The following GLI3 variants were observed in gnomAD, a reference collection of about 807,000 sequenced individuals.
GLI3 encodes the protein transcription activator GLI3.
In GLI3, 20 loss-of-function variants were observed where a neutral mutation model predicts 100.8. The observed-to-expected ratio is 0.20, with a 90% CI of 0.14 to 0.29. The LOEUF (loss-of-function observed/expected upper bound fraction) is 0.29. Among genes scored for constraint, GLI3 ranks in the 10% least tolerant of loss-of-function variants. The pLI, the probability that GLI3 is intolerant of heterozygous loss-of-function variation, is 1.00. For synonymous variants in GLI3, 938 were observed against 860.5 expected, an observed-to-expected ratio of 1.09 and a Z score of -1.58; for missense variants, 2,040 against 2,128.5, an observed-to-expected ratio of 0.96 and a Z score of 0.82.
intron 5 of GLI3, among the ~76,000 whole-genome samples, chr7:42,048,246 G>A (rs1005574133): frequency 6.6e-6 from 1 of 152,116 alleles, no homozygotes; most frequent in African/African-American, 2.4e-5. Flanking sequence ...CTAGCCATGG[G>A]ATTGACTGCG....
rs3823720 is a variant in GLI3 at position 41,961,573 on chromosome 7, G to A, written c.*2757C>T. Reference sequence around the variant, plus strand: ...AATAAAACAAAAATGGTTAGAAAACGTTTAACACAGACATTAAGCAGGAGT... The same window carrying A: ...AATAAAACAAAAATGGTTAGAAAACATTTAACACAGACATTAAGCAGGAGT... On this transcript the variant is annotated 3_prime_UTR_variant, in exon 15 of 15. Transcript: ENST00000395925. The A allele has an allele frequency of 0.26, 40,053 of 152,344 alleles. 6,292 individuals carry two copies. Among genetic ancestry groups the A allele is most frequent in the East Asian group, 0.4 (2,058 of 5,180 alleles). 9.4% of individuals were successfully genotyped at this position (152,344 alleles called of 1,614,324 possible). A position where few individuals can be genotyped will look rare whatever the true frequency, so the allele number is the denominator to read the frequency against.
At position 41,972,559 on chromosome 7, in the gene GLI3, A is replaced by G. The variant is rs150741723; in HGVS notation, c.1881T>C (p.His627=). The G allele has an allele frequency of 6.2e-6, 10 of 1,611,150 alleles. No individual in the cohort carries two copies. Among genetic ancestry groups the G allele is most frequent in the African/African-American group, 1.3e-5 (1 of 74,690 alleles). The change falls in exon 13 of 15, where the codon CAT becomes CAC. Residue 627 remains histidine (H), a synonymous_variant. Transcript: ENST00000395925. The surrounding 1 kb of genome is among the most constrained non-coding windows in gnomAD (Gnocchi z 4.4). ...RYTDPSSLRK[H]VKTVHGPEAH... ...CCTCTGGGCCATGCACTGTCTTCACATGTTTCCGGAGGGAGCTTGGGTCTG... is the reference window on the plus strand; with the variant it reads ...CCTCTGGGCCATGCACTGTCTTCACGTGTTTCCGGAGGGAGCTTGGGTCTG...
At chr7:42,226,525 A>G (rs1459126905) in intron 1 of GLI3, among the ~76,000 whole-genome samples, 1 of 152,212 alleles carries the variant, frequency 6.6e-6, no homozygotes, top group Non-Finnish European at 1.5e-5. Flanking sequence ...AATGGTCTTA[A>G]AGAATACTAA....
chr7:41,973,335 T>A (rs1045623575), intron 12 of GLI3, among the ~76,000 whole-genome samples: 1 of 152,230 alleles, frequency 6.6e-6, no homozygotes, highest in East Asian at 1.9e-4. Flanking sequence ...TGACGGATGT[T>A]CTGGGGACCA....
At chr7:41,980,585 A>G (rs1406832955) in intron 10 of GLI3, among the ~76,000 whole-genome samples, 2 of 152,184 alleles carry the variant, frequency 1.3e-5, no homozygotes, top group African/African-American at 4.8e-5. Flanking sequence ...TGCATATGAA[A>G]GGGAAAGAAA....
rs191256580 is a variant in GLI3 at position 41,983,326 on chromosome 7, C to A, written c.1498-4578G>T. On this transcript the variant is annotated intron_variant, in intron 10 of 14. Coordinates refer to ENST00000395925, the MANE Select transcript of GLI3 (RefSeq NM_000168.6). The stretch of plus-strand genomic sequence containing the variant: ...TCCTGCGCTATAAAAGGTACCCCAA[C>A]GAAGGGAGGGCCATACATTAGGCCA... 1.4e-3 allele frequency among the ~76,000 whole-genome samples: 215 copies of A among 152,150 alleles called. 1 individual carries two copies. Among genetic ancestry groups the A allele is most frequent in the Non-Finnish European group, 2.4e-3 (163 of 68,008 alleles).
chr7:42,217,675 T>C (rs543711442), intron 2 of GLI3, among the ~76,000 whole-genome samples: 1 of 152,366 alleles, frequency 6.6e-6, no homozygotes, highest in East Asian at 1.9e-4. Flanking sequence ...TTTTTTTTAA[T>C]CCATCCCTCC....
chr7:42,159,557 C>A (rs1168745271), intron 2 of GLI3, among the ~76,000 whole-genome samples: 1 of 152,130 alleles, frequency 6.6e-6, no homozygotes. Flanking sequence ...AACCAGACTA[C>A]TTCTTAAAAT....
intron 1 of GLI3, among the ~76,000 whole-genome samples, chr7:42,256,849 A>G (rs1789089980): frequency 1.3e-5 from 2 of 152,130 alleles, no homozygotes; most frequent in Middle Eastern, 3.2e-3. Context: ...GGTTATCTTC[A>G]ATTTAAATAT....
At chr7:42,022,662 C>A (rs1395340330) in intron 10 of GLI3, among the ~76,000 whole-genome samples, 1 of 152,200 alleles carries the variant, frequency 6.6e-6, no homozygotes, top group Non-Finnish European at 1.5e-5. Flanking sequence ...TCTAAATGCC[C>A]TCCACGTCAG....
chr7:42,151,600 A>G (rs1786864289), intron 2 of GLI3: 2 of 152,248 alleles, frequency 1.3e-5, no homozygotes, highest in East Asian at 3.8e-4. Context: ...AATGGACTTT[A>G]ACAGCCAAAC....
At chr7:42,109,249 A>G (rs1440821975) in intron 3 of GLI3, among the ~76,000 whole-genome samples, 1 of 152,202 alleles carries the variant, frequency 6.6e-6, no homozygotes, top group Non-Finnish European at 1.5e-5. Flanking sequence ...GCCAGCATCC[A>G]TGAACAAATC....
intron 4 of GLI3, among the ~76,000 whole-genome samples, chr7:42,065,907 A>G (rs1315614358): frequency 6.6e-6 from 1 of 152,146 alleles, no homozygotes; most frequent in Non-Finnish European, 1.5e-5. Context: ...TTAAACTAGA[A>G]TGAAGCACTA....
At chr7:42,215,274 C>T (rs1358691338) in intron 2 of GLI3, among the ~76,000 whole-genome samples, 1 of 152,134 alleles carries the variant, frequency 6.6e-6, no homozygotes, top group Non-Finnish European at 1.5e-5. Context: ...AAGAGTGAAT[C>T]TTACTGTATG....
intron 1 of GLI3, among the ~76,000 whole-genome samples, chr7:42,232,311 A>T (rs1422842180): frequency 6.6e-6 from 1 of 152,228 alleles, no homozygotes; most frequent in Non-Finnish European, 1.5e-5. Flanking sequence ...AAAAGAAAGC[A>T]AGGATTACAG....
intron 11 of GLI3, 169 bp from the exon 12 acceptor site, chr7:41,977,891 C>T: frequency 2.9e-6 from 2 of 681,248 alleles, no homozygotes; most frequent in Non-Finnish European, 5.3e-6. Context: ...TCAGATGTAG[C>T]TTGGTGTAGT....
chr7:42,217,151 C>G (rs1201150820), intron 2 of GLI3, among the ~76,000 whole-genome samples: 1 of 152,080 alleles, frequency 6.6e-6, no homozygotes, highest in Admixed American at 6.6e-5. Flanking sequence ...TTTCACCACA[C>G]AGTACAGTAG....
intron 3 of GLI3, among the ~76,000 whole-genome samples, chr7:42,107,952 G>T (rs1366334080): frequency 2.6e-5 from 4 of 152,284 alleles, no homozygotes; most frequent in Non-Finnish European, 5.9e-5. Context: ...TTTGTTTAGT[G>T]TAAGTCTGAG....
At chr7:42,003,336 A>G (rs1055558349) in intron 10 of GLI3, among the ~76,000 whole-genome samples, 2 of 152,216 alleles carry the variant, frequency 1.3e-5, no homozygotes, top group African/African-American at 4.8e-5. Context: ...AGCAAAACTC[A>G]GCCCAAGAAA....
Sources: allele counts gnomAD v4.1 joint callset (sites outside exome capture counted in the v4.1 genomes callset), GRCh38; gene constraint gnomAD v4.1.1; non-coding constraint Gnocchi (gnomAD v3.1); transcripts MANE v1.5; gene names NCBI Gene and HGNC (gene_info 2026-07-23, HGNC 2026-07-21).